PAN3: variants seen among roughly 807,000 people sequenced by gnomAD.
PAN3 encodes the protein poly(A) specific ribonuclease subunit PAN3.
Under a neutral mutation model 96.2 loss-of-function variants are expected in PAN3, and 19 were observed. That is an observed-to-expected ratio of 0.20 (90% CI 0.14 to 0.29). The LOEUF (loss-of-function observed/expected upper bound fraction) is 0.29. Among genes scored for constraint, PAN3 ranks in the 10% least tolerant of loss-of-function variants. The pLI is 1.00. For missense variants in PAN3, 882 were observed against 1,108.1 expected (o/e 0.80, Z 2.90); for synonymous variants, 433 against 406.6 (o/e 1.06, Z -0.78).
chr13:28,162,106 A>G lies in PAN3; in HGVS notation c.431-12166A>G, dbSNP rs531100967. On this transcript the variant is annotated intron_variant, in intron 1 of 18. Transcript: ENST00000380958. ...CCTAATATCAACTGGGCATGCCAGT[A>G]TACTGAATTAACACAACAACCTTGG... 1.6e-3 allele frequency among the ~76,000 whole-genome samples: 249 copies of G among 152,376 alleles called. 1 individual carries two copies. Among genetic ancestry groups the G allele is most frequent in the Non-Finnish European group, 2.8e-3 (193 of 68,030 alleles).
chr13:28,150,092 T>A (rs1056771998), intron 1 of PAN3, among the ~76,000 whole-genome samples: 21 of 152,300 alleles, frequency 1.4e-4, no homozygotes, highest in African/African-American at 4.6e-4. Context: ...GATGGTATAC[T>A]TGATTGAGAG....
intron 6 of PAN3, among the ~76,000 whole-genome samples, chr13:28,221,037 A>G (rs566958924): frequency 6.6e-6 from 1 of 152,308 alleles, no homozygotes; most frequent in Non-Finnish European, 1.5e-5. Context: ...GCATAGTTCA[A>G]TGTGACCCTT....
At chr13:28,248,748 C>G (rs1276033101) in intron 6 of PAN3, among the ~76,000 whole-genome samples, 3 of 152,154 alleles carry the variant, frequency 2.0e-5, no homozygotes, top group Non-Finnish European at 2.9e-5. Flanking sequence ...GTTTAAAATT[C>G]CTGAGCTCAA....
chr13:28,161,945 TATC>T (rs1370646494), intron 1 of PAN3, among the ~76,000 whole-genome samples: 2 of 152,358 alleles, frequency 1.3e-5, no homozygotes, highest in Non-Finnish European at 2.9e-5. Context: ...CCTACCTTTT[TATC>T]ATTTATTTTA....
rs1021129231 is a variant in PAN3 at position 28,233,399 on chromosome 13, C to T, written c.1000+13021C>T. On this transcript the variant is annotated intron_variant, in intron 6 of 18. Coordinates refer to ENST00000380958, the MANE Select transcript of PAN3 (RefSeq NM_175854.8). Reference sequence around the variant, plus strand: ...CTCCTGCCTCAGCCTCCTGAGTAGCCGGGATTACAGGCGTGTACCACCACA... The same window carrying T: ...CTCCTGCCTCAGCCTCCTGAGTAGCTGGGATTACAGGCGTGTACCACCACA... Among the ~76,000 whole-genome samples, 7 of 151,342 alleles carry T rather than the reference C, an allele frequency of 4.6e-5. 1 individual carries two copies. Among genetic ancestry groups the T allele is most frequent in the Admixed American group, 1.3e-4 (2 of 15,180 alleles).
chr13:28,227,762 TAAG>T (rs1882154976), intron 6 of PAN3, among the ~76,000 whole-genome samples: 1 of 152,216 alleles, frequency 6.6e-6, no homozygotes. Context: ...GTACTAGACT[TAAG>T]AAAGATTTTA....
intron 5 of PAN3, among the ~76,000 whole-genome samples, chr13:28,208,748 A>G (rs1463240123): frequency 6.6e-6 from 1 of 152,128 alleles, no homozygotes; most frequent in Non-Finnish European, 1.5e-5. Context: ...AGTGTCTTCT[A>G]TTCTTTGGAT....
At chr13:28,145,361 A>G (rs546995224) in intron 1 of PAN3, among the ~76,000 whole-genome samples, 52 of 151,970 alleles carry the variant, frequency 3.4e-4, no homozygotes, top group African/African-American at 6.8e-4. Context: ...GTCTCACTCT[A>G]TCACCCATGC....
chr13:28,253,170 C>A (rs563163821), intron 6 of PAN3, among the ~76,000 whole-genome samples: 3 of 152,154 alleles, frequency 2.0e-5, no homozygotes, highest in Admixed American at 6.5e-5. Context: ...TGGAAGATGT[C>A]ATTTTAAATT....
At position 28,138,920 on chromosome 13, in the gene PAN3, T is replaced by C. The variant is rs1391252754; in HGVS notation, c.263T>C (p.Leu88Pro). The change falls in exon 1 of 19, where the codon CTG (leucine) becomes CCG (proline). Residue 88 changes from leucine (L) to proline (P), a missense_variant. Around this residue, in one of 3 missense-constraint regions of PAN3, gnomAD observed 442 missense variants for 422.8 expected, o/e 1.05. Coordinates refer to ENST00000380958, the MANE Select transcript of PAN3 (RefSeq NM_175854.8). ...GLGLHSNSVP[L>P]ALAGAPVAGF... ...GGCCTCCATAGCAACAGCGTCCCCCTGGCTCTGGCTGGTGCACCCGTGGCC... is the reference window on the plus strand; with the variant it reads ...GGCCTCCATAGCAACAGCGTCCCCCCGGCTCTGGCTGGTGCACCCGTGGCC... 2 of 1,363,266 alleles carry C rather than the reference T, an allele frequency of 1.5e-6. No homozygotes were observed. Among genetic ancestry groups the C allele is most frequent in the Non-Finnish European group, 1.9e-6 (2 of 1,060,382 alleles). 84.4% of individuals were successfully genotyped at this position (1,363,266 alleles called of 1,614,324 possible).
chr13:28,204,274 G>C (rs1879093854), intron 5 of PAN3, among the ~76,000 whole-genome samples: 1 of 152,122 alleles, frequency 6.6e-6, no homozygotes, highest in Admixed American at 6.5e-5. Context: ...CCTATCACTG[G>C]ATGGTTACCT....
At chr13:28,217,562 C>G (rs1453262617) in intron 5 of PAN3, among the ~76,000 whole-genome samples, 1 of 149,340 alleles carries the variant, frequency 6.7e-6, no homozygotes, top group Non-Finnish European at 1.5e-5. Flanking sequence ...AGCCTGGCAA[C>G]AGAGTGAGAT....
intron 5 of PAN3, among the ~76,000 whole-genome samples, chr13:28,213,921 A>G (rs1369768034): frequency 2.0e-5 from 3 of 152,170 alleles, no homozygotes; most frequent in Non-Finnish European, 4.4e-5. Flanking sequence ...GAAAAAGACC[A>G]ACCAAAGTAT....
chr13:28,260,927 A>G (rs1044297467), intron 8 of PAN3, among the ~76,000 whole-genome samples: 19 of 152,354 alleles, frequency 1.2e-4, no homozygotes, highest in African/African-American at 3.8e-4. Context: ...AGAGAGCTCA[A>G]TATTTTTTTA....
chr13:28,256,233 G>A, intron 6 of PAN3, 59 bp from the exon 7 acceptor site: 1 of 1,521,506 alleles, frequency 6.6e-7, no homozygotes, highest in South Asian at 1.2e-5. Context: ...TTATTTTCCA[G>A]ACTTGTTCTC....
intron 6 of PAN3, among the ~76,000 whole-genome samples, chr13:28,226,897 T>A (rs1361119532): frequency 6.6e-6 from 1 of 152,246 alleles, no homozygotes; most frequent in African/African-American, 2.4e-5. Context: ...TTCAAATCTT[T>A]CCAAGTTATT....
At chr13:28,139,437 C>T (rs549404599) in intron 1 of PAN3, among the ~76,000 whole-genome samples, 3 of 150,234 alleles carry the variant, frequency 2.0e-5, no homozygotes, top group South Asian at 2.1e-4. Context: ...GCTGGGTTTG[C>T]AGGCACATGT....
chr13:28,218,969 C>T (rs538081713), intron 5 of PAN3, among the ~76,000 whole-genome samples: 2 of 152,210 alleles, frequency 1.3e-5, no homozygotes, highest in Admixed American at 6.5e-5. Context: ...TGGGACATAC[C>T]GGCCCTGACA....
In PAN3 at chr13:28,197,310, G is replaced by A. The variant is rs754089470; in HGVS notation, c.816G>A (p.Met272Ile). ...DRCKSGVPIN[M>I]VWWNRVTENN... ...GTAAATCAGGAGTACCCATCAATAT[G>A]GTTTGGTGGAACAGAGTCACAGAAA... Residue 272 changes from methionine to isoleucine, a missense_variant, in exon 5 of 19, where the codon ATG becomes ATA. Physicochemically the swap from Met to Ile is conservative, Grantham distance 10 (BLOSUM62 1). Coordinates refer to ENST00000380958, the MANE Select transcript of PAN3 (RefSeq NM_175854.8). The A allele has an allele frequency of 9.3e-6, 15 of 1,609,840 alleles. No homozygotes were observed. Among genetic ancestry groups the A allele is most frequent in the Admixed American group, 8.4e-5 (5 of 59,384 alleles).
Sources: gnomAD v4.1 joint callset for allele counts (sites outside exome capture counted in the v4.1 genomes callset) on GRCh38, gnomAD v4.1.1 for gene constraint, gnomAD v4.1.1 regional missense constraint, MANE v1.5 for transcripts, NCBI Gene and HGNC (gene_info 2026-07-23, HGNC 2026-07-21) for gene names.